TRAPPC9: variants seen among roughly 807,000 people sequenced by gnomAD.
The protein encoded by TRAPPC9 is trafficking protein particle complex subunit 9.
Under a neutral mutation model 124.0 loss-of-function variants are expected in TRAPPC9, and 83 were observed. The ratio of observed to expected loss-of-function variants is 0.67; its 90% CI spans 0.56 to 0.80. TRAPPC9 has a LOEUF of 0.80. Ranked by LOEUF, TRAPPC9 falls within the 30% of genes least tolerant of loss-of-function variation. TRAPPC9 has a pLI of 0.00. For missense variants in TRAPPC9, 1,302 were observed against 1,508.3 expected, an observed-to-expected ratio of 0.86 and a Z score of 2.27; for synonymous variants, 638 against 617.5, an observed-to-expected ratio of 1.03 and a Z score of -0.49.
rs538808145 is a variant in TRAPPC9 at position 140,064,293 on chromosome 8, G to A, written c.2557-40214C>T. Among the ~76,000 whole-genome samples the A allele has an allele frequency of 5.9e-5, 9 of 152,224 alleles. No individual in the cohort carries two copies. The East Asian group carries it at 9.6e-4, about 16-fold the overall frequency. On this transcript the variant is annotated intron_variant, in intron 17 of 22. Transcript: ENST00000438773. ...CTTTTACCTTTTCTGGTTTTACAAC[G>A]TGACATTCATCGATGTATACCTAGA...
intron 21 of TRAPPC9, among the ~76,000 whole-genome samples, chr8:139,874,006 G>A (rs1043620958): frequency 1.1e-4 from 16 of 152,198 alleles, no homozygotes; most frequent in African/African-American, 2.7e-4. Context: ...CAGTCAGGCC[G>A]TTCTTCTCGG....
intron 21 of TRAPPC9, among the ~76,000 whole-genome samples, chr8:139,873,710 C>T (rs1027145567): frequency 3.3e-5 from 5 of 152,244 alleles, no homozygotes; most frequent in African/African-American, 1.2e-4. Flanking sequence ...CAGGTGGAAG[C>T]AGCCAGGGGC....
At chr8:140,416,812 C>T (rs1312807715) in intron 5 of TRAPPC9, among the ~76,000 whole-genome samples, 1 of 152,200 alleles carries the variant, frequency 6.6e-6, no homozygotes, top group African/African-American at 2.4e-5. Context: ...TACCTGACTT[C>T]AAACTATACT....
chr8:140,437,321 G>A (rs547956820), intron 3 of TRAPPC9, among the ~76,000 whole-genome samples: 16 of 150,974 alleles, frequency 1.1e-4, no homozygotes, highest in Non-Finnish European at 2.2e-4. Context: ...ATGCCTGGCC[G>A]TTTGAAGTAT....
intron 21 of TRAPPC9, among the ~76,000 whole-genome samples, chr8:139,800,903 C>G (rs1028199427): frequency 6.6e-6 from 1 of 150,636 alleles, no homozygotes; most frequent in Non-Finnish European, 1.5e-5. Context: ...CCTCCGGTAC[C>G]TTCCCTCCCT....
intron 17 of TRAPPC9, among the ~76,000 whole-genome samples, chr8:140,075,626 T>G (rs866403048): frequency 6.6e-6 from 1 of 152,230 alleles, no homozygotes; most frequent in African/African-American, 2.4e-5. Context: ...TTGTTAAGCA[T>G]GTATATTATA....
chr8:140,121,516 G>A (rs561772077), intron 17 of TRAPPC9, among the ~76,000 whole-genome samples: 2 of 152,340 alleles, frequency 1.3e-5, no homozygotes, highest in East Asian at 1.9e-4. Context: ...TGACCCAGGG[G>A]AGAAGTGGTG....
rs550664452 is a variant in TRAPPC9 at position 140,325,153 on chromosome 8, G to T, written c.1496-13779C>A. ...TGTTAAAAATATTTCCAGCTGAATGGTAATAAAAACACAACAGGTCAATAT... is the reference window on the plus strand; with the variant it reads ...TGTTAAAAATATTTCCAGCTGAATGTTAATAAAAACACAACAGGTCAATAT... On this transcript the variant is annotated intron_variant, in intron 9 of 22. Transcript: ENST00000438773. 9.2e-5 allele frequency among the ~76,000 whole-genome samples: 14 copies of T among 152,208 alleles called. No individual in the cohort carries two copies. In the South Asian group the frequency reaches 2.3e-3, roughly 25 times the overall value.
chr8:140,086,959 A>G (rs1844225760), intron 17 of TRAPPC9, among the ~76,000 whole-genome samples: 1 of 151,678 alleles, frequency 6.6e-6, no homozygotes, highest in African/African-American at 2.4e-5. Context: ...CCCTCTCTTC[A>G]TCCCACACCT....
In TRAPPC9 at chr8:139,799,900, C is replaced by G. The variant is rs111237886; in HGVS notation, c.3056-67698G>C. Among the ~76,000 whole-genome samples, 193 of 152,250 alleles carry G rather than the reference C, an allele frequency of 1.3e-3. 2 individuals carry two copies. Among genetic ancestry groups the G allele is most frequent in the African/African-American group, 4.4e-3 (183 of 41,532 alleles). ...TGCTGTCCTCAAGGGCTTCTCAGGCCGATGGGGAAAGACAGGCAAGGAAAC... is the reference window on the plus strand; with the variant it reads ...TGCTGTCCTCAAGGGCTTCTCAGGCGGATGGGGAAAGACAGGCAAGGAAAC... On this transcript the variant is annotated intron_variant, in intron 21 of 22. Transcript: ENST00000438773.
chr8:140,443,772 C>T (rs1344721804), intron 2 of TRAPPC9, among the ~76,000 whole-genome samples: 1 of 152,074 alleles, frequency 6.6e-6, no homozygotes, highest in Non-Finnish European at 1.5e-5. Flanking sequence ...CATGGTGGCT[C>T]ACGCCTGTAA....
intron 17 of TRAPPC9, among the ~76,000 whole-genome samples, chr8:140,130,733 TGGAAACACACA>T (rs2061193121): frequency 6.6e-6 from 1 of 152,126 alleles, no homozygotes; most frequent in Non-Finnish European, 1.5e-5. Context: ...GTGTGTTGTT[TGGAAACACACA>T]GGAAAGTGCT....
At chr8:140,049,655 AG>A (rs1841854591) in intron 17 of TRAPPC9, among the ~76,000 whole-genome samples, 1 of 152,146 alleles carries the variant, frequency 6.6e-6, no homozygotes, top group South Asian at 2.1e-4. Flanking sequence ...TACAGCTGAA[AG>A]GGGAAGGTCA....
At chr8:140,300,264 C>T (rs976960619) in intron 11 of TRAPPC9, among the ~76,000 whole-genome samples, 5 of 142,448 alleles carry the variant, frequency 3.5e-5, no homozygotes, top group African/African-American at 1.2e-4. Context: ...CACACATACA[C>T]GCACATATGC....
chr8:140,012,375 C>G (rs1381572983), intron 18 of TRAPPC9, among the ~76,000 whole-genome samples: 1 of 152,156 alleles, frequency 6.6e-6, no homozygotes, highest in African/African-American at 2.4e-5. Context: ...GAGAGACTTA[C>G]TTAAAAGGGG....
intron 21 of TRAPPC9, among the ~76,000 whole-genome samples, chr8:139,735,562 A>G (rs1243455129): frequency 1.3e-5 from 2 of 152,162 alleles, no homozygotes; most frequent in African/African-American, 2.4e-5. Context: ...AGATGGAGAG[A>G]GCAGATGGGG....
chr8:140,355,910 T>G (rs1425043014), intron 9 of TRAPPC9, among the ~76,000 whole-genome samples: 1 of 152,210 alleles, frequency 6.6e-6, no homozygotes, highest in Non-Finnish European at 1.5e-5. Context: ...GATCACCCTT[T>G]TTGAAAGATC....
intron 15 of TRAPPC9, 152 bp from the exon 16 acceptor site, chr8:140,253,081 G>A (rs367738744): frequency 2.5e-6 from 2 of 797,738 alleles, no homozygotes; most frequent in Non-Finnish European, 4.0e-6. Flanking sequence ...GAACATTCCA[G>A]AACCAAGAAG....
intron 21 of TRAPPC9, among the ~76,000 whole-genome samples, chr8:139,832,426 C>T (rs1486572982): frequency 2.6e-5 from 4 of 152,170 alleles, no homozygotes; most frequent in African/African-American, 7.2e-5. Context: ...GAAGCCCAGC[C>T]GCTGGTTGGT....
Sources: allele counts gnomAD v4.1 joint callset (sites outside exome capture counted in the v4.1 genomes callset), GRCh38; gene constraint gnomAD v4.1.1; transcripts MANE v1.5; gene names NCBI Gene and HGNC (gene_info 2026-07-23, HGNC 2026-07-21).